Variants in PPP2R2B observed in about 807,000 individuals in gnomAD.
PPP2R2B encodes the protein serine/threonine-protein phosphatase 2A 55 kDa regulatory subunit B beta isoform.
In PPP2R2B, 5 loss-of-function variants were observed where a neutral mutation model predicts 46.0. The observed-to-expected ratio is 0.11, with a 90% CI of 0.06 to 0.23. PPP2R2B has a LOEUF of 0.23. Ranked by LOEUF, PPP2R2B falls within the 10% of genes least tolerant of loss-of-function variation. The pLI, the probability that PPP2R2B is intolerant of heterozygous loss-of-function variation, is 1.00. For missense variants in PPP2R2B, 367 were observed against 575.0 expected (o/e 0.64, Z 3.70); for synonymous variants, 215 against 206.7 (o/e 1.04, Z -0.34).
chr5:146,878,691 GC>G lies in PPP2R2B; in HGVS notation c.-226del. On this transcript the variant is annotated 5_prime_UTR_variant, in exon 1 of 10. Coordinates refer to ENST00000394411, the MANE Select transcript of PPP2R2B (RefSeq NM_181675.4). The surrounding 1 kb of genome is among the most constrained non-coding windows in gnomAD (Gnocchi z 4.5). ...GGGCAGGGCGCTGCAGCCGGCGCCA[GC>G]GCACTCACCCTCACACCCACACGCG... 3 of 1,288,638 alleles carry G rather than the reference GC, an allele frequency of 2.3e-6. No homozygotes were observed. Among genetic ancestry groups the G allele is most frequent in the Non-Finnish European group, 3.0e-6 (3 of 991,926 alleles). The allele number at this position is 1,288,638 out of a possible 1,614,324, so 79.8% of individuals were successfully genotyped here.
intron 1 of PPP2R2B, among the ~76,000 whole-genome samples, chr5:146,929,848 A>C (rs1043028301): frequency 2.0e-5 from 3 of 152,188 alleles, no homozygotes; most frequent in African/African-American, 2.4e-5. Flanking sequence ...AAAATAAGGT[A>C]GTATGTATAT....
intron 2 of PPP2R2B, among the ~76,000 whole-genome samples, chr5:146,870,245 C>T (rs1007533108): frequency 1.3e-5 from 2 of 152,168 alleles, no homozygotes; most frequent in Admixed American, 6.5e-5. Context: ...TTGTGCCCCC[C>T]TCCACCCCAA....
intron 2 of PPP2R2B, among the ~76,000 whole-genome samples, chr5:146,760,634 A>C (rs1357067487): frequency 6.6e-6 from 1 of 152,216 alleles, no homozygotes; most frequent in Non-Finnish European, 1.5e-5. Flanking sequence ...AAGAGACCTC[A>C]GAAGTTAAGG....
intron 2 of PPP2R2B, among the ~76,000 whole-genome samples, chr5:146,850,618 CTTA>C (rs1760288378): frequency 6.6e-6 from 1 of 152,220 alleles, no homozygotes; most frequent in Admixed American, 6.5e-5. Context: ...AGAGCTAACT[CTTA>C]TTATGACTTT....
rs1347016392 is a variant in PPP2R2B at position 146,698,240 on chromosome 5, GGGATGAGGGCAGGGCCATGA to G, written c.169-116_169-97del. On this transcript the variant is annotated intron_variant, in intron 3 of 9. Transcript: ENST00000394411. ...TTTTTTTCCAGCAGTCATTGGGGGTGGGATGAGGGCAGGGCCATGAGGATGAGGGCAGGGCCATGATAGTC... is the reference window on the plus strand; with the variant it reads ...TTTTTTTCCAGCAGTCATTGGGGGTGGGATGAGGGCAGGGCCATGATAGTC... 81 of 1,021,486 alleles carry G rather than the reference GGGATGAGGGCAGGGCCATGA, an allele frequency of 7.9e-5. No homozygotes were observed. In the East Asian group the frequency reaches 2.2e-3, roughly 27 times the overall value. The allele number at this position is 1,021,486 out of a possible 1,614,324, so 63.3% of individuals were successfully genotyped here. A position where few individuals can be genotyped will look rare whatever the true frequency, so the allele number is the denominator to read the frequency against.
At chr5:146,753,763 C>T (rs1484253914) in intron 2 of PPP2R2B, among the ~76,000 whole-genome samples, 4 of 152,106 alleles carry the variant, frequency 2.6e-5, no homozygotes, top group African/African-American at 7.2e-5. Context: ...ATGGCATTTT[C>T]CTTTTCATTG....
intron 1 of PPP2R2B, among the ~76,000 whole-genome samples, chr5:146,980,934 A>AT (rs149435074): frequency 0.035 from 5,269 of 152,000 alleles, 211 homozygotes; most frequent in East Asian, 0.14. Flanking sequence ...ACCTTTAAAC[A>AT]TTTTTTTTAA....
At position 146,951,388 on chromosome 5, in the gene PPP2R2B, G is replaced by C. The variant is rs183016326; in HGVS notation, c.79+104277C>G. Among the ~76,000 whole-genome samples, 9 of 151,782 alleles carry C rather than the reference G, an allele frequency of 5.9e-5. No homozygotes were observed. The East Asian group carries it at 1.4e-3, about 23-fold the overall frequency. On this transcript the variant is annotated intron_variant, in intron 1 of 8. Transcript: ENST00000336640. ...ATTAAGTTCCAGTGTATATGTGCAG[G>C]ATGTGCAGGTTTGTTACATAGGTAA...
At chr5:146,661,606 C>T (rs1400545948) in intron 5 of PPP2R2B, among the ~76,000 whole-genome samples, 2 of 152,060 alleles carry the variant, frequency 1.3e-5, no homozygotes, top group Non-Finnish European at 2.9e-5. Flanking sequence ...AAATTCAGTG[C>T]ATCAAAAATG....
rs534609251 is a variant in PPP2R2B at position 146,590,096 on chromosome 5, C to A, written c.1183G>T (p.Val395Leu). The change falls in exon 10 of 10, where the codon GTG (valine) becomes TTG (leucine). Residue 395 changes from valine (V) to leucine (L), a missense_variant. Physicochemically the swap from Val to Leu is conservative, Grantham distance 32 (BLOSUM62 1). Around this residue, in one of 2 missense-constraint regions of PPP2R2B, gnomAD observed 361 missense variants for 545.5 expected, o/e 0.66. Transcript: ENST00000394411. ...TCGTCTTTTCTCCGCTTGCCCCCCA[C>A]ACACACTTTTCGGGGTTTGAGGATA... ...RAILKPRKVC[V>L]GGKRRKDEIS... The A allele has an allele frequency of 7.4e-5, 119 of 1,614,180 alleles. No homozygotes were observed. In the Middle Eastern group the frequency reaches 9.9e-4, roughly 13 times the overall value.
intron 1 of PPP2R2B, among the ~76,000 whole-genome samples, chr5:146,888,345 ACT>A (rs1235332134): frequency 6.6e-6 from 1 of 150,632 alleles, no homozygotes; most frequent in Non-Finnish European, 1.5e-5. Flanking sequence ...CCTTCATTCC[ACT>A]CTCTCATTCC....
chr5:147,019,260 C>T (rs1035505652), intron 1 of PPP2R2B, among the ~76,000 whole-genome samples: 2 of 152,140 alleles, frequency 1.3e-5, no homozygotes, highest in African/African-American at 4.8e-5. Flanking sequence ...AACAAAGTTA[C>T]TCAAAACAGT....
rs150407376 is a variant in PPP2R2B at position 146,636,530 on chromosome 5, G to A, written c.790+1721C>T. On this transcript the variant is annotated intron_variant, in intron 7 of 9. Coordinates refer to ENST00000394411, the MANE Select transcript of PPP2R2B (RefSeq NM_181675.4). ...GGCATGGGCTGTTTTGCCTTTGCTG[G>A]TAGGTTGGGCCAACCCAGAGCACAT... Among the ~76,000 whole-genome samples, 51 of 152,338 alleles carry A rather than the reference G, an allele frequency of 3.3e-4. No homozygotes were observed. The East Asian group carries it at 5.0e-3, about 15-fold the overall frequency.
intron 2 of PPP2R2B, among the ~76,000 whole-genome samples, chr5:146,838,848 T>C (rs1759454516): frequency 6.6e-6 from 1 of 152,218 alleles, no homozygotes; most frequent in Non-Finnish European, 1.5e-5. Flanking sequence ...AACAAATGAC[T>C]GCCTTCCCAA....
At chr5:146,705,752 G>A (rs546126595) in intron 2 of PPP2R2B, among the ~76,000 whole-genome samples, 1 of 152,162 alleles carries the variant, frequency 6.6e-6, no homozygotes, top group Non-Finnish European at 1.5e-5. Flanking sequence ...TTGGGGAGGG[G>A]ATAGGAAAAA....
At chr5:146,881,874 G>T (rs1019718812), upstream of PPP2R2B, among the ~76,000 whole-genome samples, 3 of 152,114 alleles carry the variant, frequency 2.0e-5, no homozygotes, top group African/African-American at 7.2e-5. Context: ...AAAATAATCT[G>T]TTGTGAGCTG....
At chr5:146,886,348 T>C (rs1382183998) in intron 1 of PPP2R2B, among the ~76,000 whole-genome samples, 6 of 150,108 alleles carry the variant, frequency 4.0e-5, no homozygotes, top group African/African-American at 1.5e-4. Context: ...CAAAAATAAA[T>C]AAATAAATAA....
rs148222609 is a variant in PPP2R2B at position 146,803,505 on chromosome 5, A to C, written c.70+74497T>G. Among the ~76,000 whole-genome samples, 774 of 152,344 alleles carry C rather than the reference A, an allele frequency of 5.1e-3. 2 individuals are homozygous for C. Among genetic ancestry groups the C allele is most frequent in the Non-Finnish European group, 9.4e-3 (638 of 68,028 alleles). ...CATTTAATAAAATTTATTTATGTTA[A>C]AAGAAATACTGGGTATCAGGAGAAA... On this transcript the variant is annotated intron_variant, in intron 2 of 9. Transcript: ENST00000394411.
intron 2 of PPP2R2B, among the ~76,000 whole-genome samples, chr5:146,863,813 A>C (rs922178149): frequency 1.3e-5 from 2 of 152,182 alleles, no homozygotes; most frequent in African/African-American, 4.8e-5. Flanking sequence ...AAAGAGGAAG[A>C]ATGTTCTAAA....
Sources: allele counts gnomAD v4.1 joint callset (sites outside exome capture counted in the v4.1 genomes callset), GRCh38; gene constraint gnomAD v4.1.1; regional missense constraint gnomAD v4.1.1; non-coding constraint Gnocchi (gnomAD v3.1); transcripts MANE v1.5; gene names NCBI Gene and HGNC (gene_info 2026-07-23, HGNC 2026-07-21).